Variants in PDE3B observed in about 807,000 individuals in gnomAD.
PDE3B encodes the protein cGMP-inhibited 3',5'-cyclic phosphodiesterase 3B.
PDE3B carries 66 observed loss-of-function variants against 116.8 expected under a neutral mutation model. The observed-to-expected ratio is 0.56, with a 90% CI of 0.46 to 0.69. The LOEUF (loss-of-function observed/expected upper bound fraction) is 0.69, where lower values mean the gene tolerates loss of function less well. Among genes scored for constraint, PDE3B ranks in the 30% least tolerant of loss-of-function variants. PDE3B has a pLI of 0.00. For synonymous variants in PDE3B, 595 were observed against 533.6 expected (o/e 1.12, Z -1.59); for missense variants, 1,384 against 1,368.1 (o/e 1.01, Z -0.18).
At chr11:14,700,501 G>C (rs1855331608) in intron 1 of PDE3B, among the ~76,000 whole-genome samples, 1 of 151,776 alleles carries the variant, frequency 6.6e-6, no homozygotes, top group Non-Finnish European at 1.5e-5. Context: ...TAAAATCAAA[G>C]TATAATGCCA....
chr11:14,873,075 C>A (rs1275162650), downstream of PDE3B, among the ~76,000 whole-genome samples: 1 of 152,192 alleles, frequency 6.6e-6, no homozygotes, highest in Non-Finnish European at 1.5e-5. Flanking sequence ...GGTAGATCCC[C>A]AGACTAGTTT....
At chr11:14,696,905 T>G (rs1855222396) in intron 1 of PDE3B, among the ~76,000 whole-genome samples, 1 of 152,130 alleles carries the variant, frequency 6.6e-6, no homozygotes, top group African/African-American at 2.4e-5. Flanking sequence ...AAAGATATTG[T>G]CCTACATTTT....
intron 1 of PDE3B, among the ~76,000 whole-genome samples, chr11:14,714,175 A>G (rs1356510476): frequency 6.6e-6 from 1 of 151,952 alleles, no homozygotes; most frequent in Non-Finnish European, 1.5e-5. Context: ...TTACTCTATC[A>G]TGCTCCAGTC....
intron 2 of PDE3B, among the ~76,000 whole-genome samples, chr11:14,785,711 A>C (rs1858167118): frequency 6.6e-6 from 1 of 152,176 alleles, no homozygotes; most frequent in South Asian, 2.1e-4. Context: ...CTAAATTAAA[A>C]AATTTTTTTC....
At chr11:14,892,157 C>A in the PDE3B span, 1 of 1,610,602 alleles carries the variant, frequency 6.2e-7, no homozygotes, top group Non-Finnish European at 8.5e-7. Context: ...AGGAAGAGCG[C>A]GCCGCCGAGC....
In PDE3B at chr11:14,644,216, C is replaced by T. The variant is rs759161283; in HGVS notation, c.141C>T (p.Phe47=). 6.0e-5 allele frequency: 96 copies of T among 1,592,364 alleles called. No homozygotes were observed. Among genetic ancestry groups the T allele is most frequent in the Non-Finnish European group, 8.0e-5 (94 of 1,175,972 alleles). The change falls in exon 1 of 16, where the codon TTC becomes TTT. Residue 47 remains phenylalanine, a synonymous_variant. Transcript: ENST00000282096. Reference sequence around the variant, plus strand: ...TGCGGCAGGACCCTCCGCGCGGCTTCTTCTTCCACCTCTGCCGCTTCTGCA... The same window carrying T: ...TGCGGCAGGACCCTCCGCGCGGCTTTTTCTTCCACCTCTGCCGCTTCTGCA... ...SPLRQDPPRG[F]FFHLCRFCNV...
rs1418669996 is a variant in PDE3B at position 14,871,989 on chromosome 11, C to T, written c.*2329C>T. 6.6e-6 allele frequency: 1 copy of T among 152,104 alleles called. No homozygotes were observed. Among genetic ancestry groups the T allele is most frequent in the Non-Finnish European group, 1.5e-5 (1 of 68,002 alleles). 9.4% of individuals were successfully genotyped at this position (152,104 alleles called of 1,614,324 possible). ...TGGTACTAGAAATATTCTTTTAATG[C>T]TATATCTATGTACCTACTGACACAT... On this transcript the variant is annotated 3_prime_UTR_variant, in exon 16 of 16. Transcript: ENST00000282096.
In PDE3B at chr11:14,832,787, T is replaced by C. The variant is rs111636251; in HGVS notation, c.2160T>C (p.Phe720=). The change falls in exon 10 of 16, where the codon TTT becomes TTC. Residue 720 remains phenylalanine (F), a synonymous_variant. Coordinates refer to ENST00000282096, the MANE Select transcript of PDE3B (RefSeq NM_000922.4). The part of the protein sequence containing the change: ...LEIFKIPTQQ[F]MNYFRALENG... ...TATTTAAAATTCCCACTCAACAATT[T>C]ATGAACTATTTTCGTGCATTAGAAA... 1.9e-6 allele frequency: 3 copies of C among 1,544,892 alleles called. No homozygotes were observed. Among genetic ancestry groups the C allele is most frequent in the African/African-American group, 1.4e-5 (1 of 72,906 alleles).
At chr11:14,768,313 A>G (rs754812119) in intron 1 of PDE3B, among the ~76,000 whole-genome samples, 1 of 151,558 alleles carries the variant, frequency 6.6e-6, no homozygotes, top group African/African-American at 2.4e-5. Flanking sequence ...ATTACCATTA[A>G]CATTGAAGTT....
rs773581783 is a variant in PDE3B at position 14,798,291 on chromosome 11, G to A, written c.1416-5653G>A. ...TCGCAGGGATGAAGCCTACTTGATC[G>A]TGGTGGGTAAGCTTTTTGATGTGCT... On this transcript the variant is annotated intron_variant, in intron 4 of 15. Coordinates refer to ENST00000282096, the MANE Select transcript of PDE3B (RefSeq NM_000922.4). 2.2e-4 allele frequency among the ~76,000 whole-genome samples: 34 copies of A among 152,120 alleles called. 1 individual carries two copies. Among genetic ancestry groups the A allele is most frequent in the Admixed American group, 2.2e-3 (34 of 15,242 alleles).
downstream of PDE3B, among the ~76,000 whole-genome samples, chr11:14,875,343 C>T (rs573662572): frequency 1.2e-4 from 18 of 152,246 alleles, no homozygotes; most frequent in African/African-American, 4.1e-4. Context: ...AGTATCTGAT[C>T]CACTAACATT....
At chr11:14,876,054 TA>T (rs1306976365), downstream of PDE3B, among the ~76,000 whole-genome samples, 1 of 152,192 alleles carries the variant, frequency 6.6e-6, no homozygotes. Context: ...ACTTTTATTA[TA>T]GTCTACTTCA....
chr11:14,658,415 G>GAAGA (rs1228986355), intron 1 of PDE3B, among the ~76,000 whole-genome samples: 2 of 151,834 alleles, frequency 1.3e-5, no homozygotes, highest in African/African-American at 4.8e-5. Context: ...GAAGTGCAAT[G>GAAGA]GCACTATCTC....
intron 1 of PDE3B, among the ~76,000 whole-genome samples, chr11:14,667,262 C>T (rs376589531): frequency 2.0e-5 from 3 of 146,664 alleles, no homozygotes; most frequent in African/African-American, 7.6e-5. Context: ...GGAAGGGGAA[C>T]ATCACACTCT....
rs1322537640 is a variant in PDE3B at position 14,844,960 on chromosome 11, C to T, written c.2520+934C>T. ...TAACCTCTGCAGACTTAAATGTCCC[C>T]GTCTGACAGCTTTGAAGAGAGCAGT... is the stretch of plus-strand genomic sequence containing the variant. On this transcript the variant is annotated intron_variant, in intron 12 of 15. Coordinates refer to ENST00000282096, the MANE Select transcript of PDE3B (RefSeq NM_000922.4). Among the ~76,000 whole-genome samples, 28 of 152,286 alleles carry T rather than the reference C, an allele frequency of 1.8e-4. No individual in the cohort carries two copies. In the South Asian group the frequency reaches 1.9e-3, roughly 10 times the overall value.
At chr11:14,834,622 TAACTGTTCTGTGTACAA>T (rs1859996086) in intron 10 of PDE3B, among the ~76,000 whole-genome samples, 1 of 152,224 alleles carries the variant, frequency 6.6e-6, no homozygotes, top group Non-Finnish European at 1.5e-5. Flanking sequence ...CCAGAATTTG[TAACTGTTCTGTGTACAA>T]AACTGTTTTG....
rs760901964 is a variant in PDE3B, at chr11:14,665,507, AC to A, written c.978+20456del. Among the ~76,000 whole-genome samples the A allele has an allele frequency of 2.8e-4, 43 of 152,320 alleles. No individual in the cohort carries two copies. In the East Asian group the frequency reaches 8.1e-3, roughly 29 times the overall value. On this transcript the variant is annotated intron_variant, in intron 1 of 15. Transcript: ENST00000282096. Reference sequence around the variant, plus strand: ...CTGTTTGCAGATGACATGATTGTATACCTAGAAAACCCCATTGTCTCAGCCC... The same window carrying A: ...CTGTTTGCAGATGACATGATTGTATACTAGAAAACCCCATTGTCTCAGCCC...
At chr11:14,648,016 A>G (rs1469396694) in intron 1 of PDE3B, among the ~76,000 whole-genome samples, 3 of 151,822 alleles carry the variant, frequency 2.0e-5, no homozygotes, top group East Asian at 1.9e-4. Context: ...GTTAATGGAA[A>G]GAAGCACTGA....
chr11:14,826,802 TC>T (rs61019743), intron 7 of PDE3B, among the ~76,000 whole-genome samples: 152,183 of 152,184 alleles, frequency 1, 76,091 homozygotes, highest in Non-Finnish European at 1. Context: ...GAAGGACTCC[TC>T]CCCCAACCCA....
Sources: gnomAD v4.1 joint callset for allele counts (sites outside exome capture counted in the v4.1 genomes callset) on GRCh38, gnomAD v4.1.1 for gene constraint, MANE v1.5 for transcripts, NCBI Gene and HGNC (gene_info 2026-07-23, HGNC 2026-07-21) for gene names.